DHX37: variants seen among roughly 807,000 people sequenced by gnomAD.
DHX37 encodes the protein DEAH-box helicase 37.
DHX37 carries 52 observed loss-of-function variants against 134.3 expected under a neutral mutation model. That is an observed-to-expected ratio of 0.39 (90% CI 0.31 to 0.49). The LOEUF (loss-of-function observed/expected upper bound fraction) is 0.49, where lower values mean the gene tolerates loss of function less well. DHX37 is among the 20% of genes least tolerant of loss of function. DHX37 has a pLI of 0.93. For missense variants in DHX37, 1,344 were observed against 1,580.8 expected (o/e 0.85, Z 2.54); for synonymous variants, 634 against 670.7 (o/e 0.95, Z 0.85).
intron 12 of DHX37, 62 bp downstream of exon 12, chr12:124,966,731 T>C (rs56213993): frequency 0.33 from 512,432 of 1,540,900 alleles, 91,477 homozygotes; most frequent in East Asian, 0.63. Context: ...ATGGGGCTGG[T>C]AGCTGCCATC....
chr12:124,979,526 A>G (rs543643601), intron 4 of DHX37, among the ~76,000 whole-genome samples: 70 of 152,380 alleles, frequency 4.6e-4, no homozygotes, highest in Admixed American at 3.9e-3. Context: ...CTGCATCAAC[A>G]TGGATGTATC....
At chr12:124,962,338 T>C (rs1331396962) in intron 15 of DHX37, among the ~76,000 whole-genome samples, 1 of 151,766 alleles carries the variant, frequency 6.6e-6, no homozygotes, top group African/African-American at 2.4e-5. Context: ...CTGGCCAACA[T>C]GGTGAAACCC....
chr12:124,950,565 A>T lies in DHX37; in HGVS notation c.2984-15T>A. Reference sequence around the variant, plus strand: ...GCTAGAGACGCCTGGGGGCCGGGGGAGGAAGCTGGGGTTACAGCGGCACCC... The same window carrying T: ...GCTAGAGACGCCTGGGGGCCGGGGGTGGAAGCTGGGGTTACAGCGGCACCC... On this transcript the variant is annotated splice_polypyrimidine_tract_variant and intron_variant, in intron 22 of 26. Coordinates refer to ENST00000308736, the MANE Select transcript of DHX37 (RefSeq NM_032656.4). 6.5e-7 allele frequency: 1 copy of T among 1,545,450 alleles called. No individual in the cohort carries two copies. Among genetic ancestry groups the T allele is most frequent in the South Asian group, 1.2e-5 (1 of 80,394 alleles).
rs182189507 is a variant in DHX37, at chr12:124,971,476, G to T, written c.1078-61C>A. On this transcript the variant is annotated intron_variant, in intron 7 of 26. Transcript: ENST00000308736. ...GCCTAAGCCCCAAGGGCCGCTTCACGTCCCAGAACTCCCACTTGAGGAGAC... is the reference window on the plus strand; with the variant it reads ...GCCTAAGCCCCAAGGGCCGCTTCACTTCCCAGAACTCCCACTTGAGGAGAC... The T allele has an allele frequency of 2.9e-5, 45 of 1,577,334 alleles. No homozygotes were observed. In the African/African-American group the frequency reaches 4.2e-4, roughly 15 times the overall value.
intron 4 of DHX37, among the ~76,000 whole-genome samples, chr12:124,979,985 G>A (rs996290498): frequency 3.9e-5 from 6 of 152,226 alleles, no homozygotes; most frequent in African/African-American, 1.4e-4. Flanking sequence ...TGGGCTGTGG[G>A]CTTTCCATGC....
chr12:124,969,274 G>A (rs1954468875), intron 8 of DHX37, among the ~76,000 whole-genome samples: 1 of 152,152 alleles, frequency 6.6e-6, no homozygotes, highest in South Asian at 2.1e-4. Context: ...CTGAGTGTCT[G>A]TGCCGGGGGC....
intron 8 of DHX37, 109 bp downstream of exon 8, chr12:124,971,193 G>C: frequency 1.3e-6 from 2 of 1,488,346 alleles, no homozygotes; most frequent in South Asian, 2.6e-5. Flanking sequence ...ACCTGCTCAT[G>C]GCAGCAGCCC....
At chr12:124,973,877 T>C (rs1243191272) in intron 6 of DHX37, among the ~76,000 whole-genome samples, 4 of 152,110 alleles carry the variant, frequency 2.6e-5, no homozygotes, top group Non-Finnish European at 4.4e-5. Flanking sequence ...TCCCAACCTC[T>C]GGTGATCCAC....
At chr12:124,986,562 T>G (rs1317015179) in intron 1 of DHX37, among the ~76,000 whole-genome samples, 1 of 151,396 alleles carries the variant, frequency 6.6e-6, no homozygotes, top group African/African-American at 2.4e-5. Context: ...AATACAAAAA[T>G]TAGCCAGGTG....
Position 124,980,630 on chromosome 12 carries a change from G to C in DHX37, c.598C>G (p.Pro200Ala). The change falls in exon 4 of 27, where the codon CCG becomes GCG. Residue 200 changes from proline to alanine, a missense_variant. Coordinates refer to ENST00000308736, the MANE Select transcript of DHX37 (RefSeq NM_032656.4). The surrounding 1 kb of genome is among the most constrained non-coding windows in gnomAD (Gnocchi z 5.3). ...AGVGTTVAPL[P>A]PAPAPSSQPV... ...TGACTGCTGGGTGCTGGAGCTGGCG[G>C]CAGAGGTGCCACGGTGGTCCCCACA... 6.2e-7 allele frequency: 1 copy of C among 1,608,060 alleles called. No individual in the cohort carries two copies. Among genetic ancestry groups the C allele is most frequent in the Non-Finnish European group, 8.5e-7 (1 of 1,179,346 alleles).
Position 124,968,570 on chromosome 12 carries a change from G to A in DHX37, c.1372C>T (p.Arg458Trp), listed in dbSNP as rs530897876. 309 of 1,613,948 alleles carry A rather than the reference G, an allele frequency of 1.9e-4. 1 individual carries two copies. In the South Asian group the frequency reaches 2.4e-3, roughly 13 times the overall value. The change falls in exon 10 of 27, where the codon CGG becomes TGG. Residue 458 changes from arginine to tryptophan, a missense_variant. Coordinates refer to ENST00000308736, the MANE Select transcript of DHX37 (RefSeq NM_032656.4). Reference sequence around the variant, plus strand: ...ATCCGGTGGATCTTGCAGACCTTCCGGAAGCACTCGCCACTGTAGTCTTCC... The same window carrying A: ...ATCCGGTGGATCTTGCAGACCTTCCAGAAGCACTCGCCACTGTAGTCTTCC... ...PLEDYSGECF[R>W]KVCKIHRMLP... is the part of the protein sequence containing the mutation.
rs577385010 is a variant in DHX37 at position 124,966,921 on chromosome 12, C to T, written c.1505-43G>A. The T allele has an allele frequency of 2.7e-5, 43 of 1,612,256 alleles. No homozygotes were observed. The South Asian group carries it at 3.4e-4, about 13-fold the overall frequency. On this transcript the variant is annotated intron_variant, in intron 11 of 26. Transcript: ENST00000308736. ...TGGGGAGAAAGGCGTCTGTGGCCGG[C>T]GTGGTCGCCAGCACACTGCCCTTTG...
rs754186165 is a variant in DHX37, at chr12:124,957,102, C to T, written c.2191G>A (p.Val731Met). 23 of 1,494,512 alleles carry T rather than the reference C, an allele frequency of 1.5e-5. No individual in the cohort carries two copies. Among genetic ancestry groups the T allele is most frequent in the African/African-American group, 4.3e-5 (3 of 69,064 alleles). The allele number at this position is 1,494,512 out of a possible 1,614,324, so 92.6% of individuals were successfully genotyped here. A position where few individuals can be genotyped will look rare whatever the true frequency, so the allele number is the denominator to read the frequency against. The change falls in exon 17 of 27, where the codon GTG (valine) becomes ATG (methionine). Residue 731 changes from valine to methionine, a missense_variant. This residue lies in a region of DHX37 where 558 missense variants were observed against 650.0 expected (regional missense o/e 0.86). Transcript: ENST00000308736. ...TCCTCGGCGGCAAGAAGGGCTTCCA[C>T]GGAGGGGGGCGTCGGGAAGGGGAAG... ...INFPFPTPPS[V>M]EALLAAEELL...
Position 124,964,408 on chromosome 12 carries a change from G to T in DHX37, c.2031C>A (p.Pro677=), listed in dbSNP as rs374653994. ...GGGTGACCCACCTGTAGCAGTGGCC[G>T]GGCTCCGTCCGTCCTGCTCTGCCCG... ...QRAGRAGRTE[P]GHCYRLYSSA... Residue 677 remains proline (P), a synonymous_variant, in exon 15 of 27, where the codon CCC becomes CCA. Coordinates refer to ENST00000308736, the MANE Select transcript of DHX37 (RefSeq NM_032656.4). The T allele has an allele frequency of 1.0e-4, 164 of 1,613,496 alleles. No individual in the cohort carries two copies. Among genetic ancestry groups the T allele is most frequent in the Non-Finnish European group, 1.3e-4 (158 of 1,179,836 alleles).
At chr12:124,970,060 C>T (rs956113838) in intron 8 of DHX37, among the ~76,000 whole-genome samples, 3 of 152,262 alleles carry the variant, frequency 2.0e-5, no homozygotes, top group African/African-American at 4.8e-5. Flanking sequence ...GCAAGCTCCA[C>T]CCGCTGGGTT....
At chr12:124,987,760 C>T (rs757024623) in intron 1 of DHX37, among the ~76,000 whole-genome samples, 1 of 152,196 alleles carries the variant, frequency 6.6e-6, no homozygotes, top group Non-Finnish European at 1.5e-5. Flanking sequence ...TTAGGAACAT[C>T]TGTATTCTAT....
In DHX37 at chr12:124,954,093, G is replaced by A. The variant is rs1412246737; in HGVS notation, c.2572C>T (p.Leu858=). The change falls in exon 19 of 27, where the codon CTG becomes TTG. Residue 858 remains leucine, a synonymous_variant. Coordinates refer to ENST00000308736, the MANE Select transcript of DHX37 (RefSeq NM_032656.4). Reference sequence around the variant, plus strand: ...CAACGGGCAGGGCACAAACCCAGCAGCACCATGAGGTCGCCGAGCTTCAGA... The same window carrying A: ...CAACGGGCAGGGCACAAACCCAGCAACACCATGAGGTCGCCGAGCTTCAGA... The part of the protein sequence containing the change: ...ASLKLGDLMV[L]LGAVGACEYA... 6.2e-7 allele frequency: 1 copy of A among 1,608,912 alleles called. No individual in the cohort carries two copies. The highest frequency in any genetic ancestry group is 2.2e-5 in the East Asian group (1 of 44,808).
At chr12:124,988,811 T>C in intron 1 of DHX37, 106 bp downstream of exon 1, 1 of 576,840 alleles carries the variant, frequency 1.7e-6, no homozygotes, top group Non-Finnish European at 2.7e-6. Flanking sequence ...CCATTCCAGA[T>C]GATCCATCCC....
intron 10 of DHX37, 153 bp from the exon 11 acceptor site, chr12:124,967,371 C>A (rs561025216): frequency 6.0e-6 from 2 of 333,486 alleles, no homozygotes; most frequent in African/African-American, 2.3e-5. Flanking sequence ...GGGGGCAGCA[C>A]GCCCAGACTG....
Sources: allele counts gnomAD v4.1 joint callset (sites outside exome capture counted in the v4.1 genomes callset), GRCh38; gene constraint gnomAD v4.1.1; regional missense constraint gnomAD v4.1.1; non-coding constraint Gnocchi (gnomAD v3.1); transcripts MANE v1.5; gene names NCBI Gene and HGNC (gene_info 2026-07-23, HGNC 2026-07-21).